Variants in VPS35 observed in about 807,000 individuals in gnomAD.
VPS35 encodes the protein vacuolar protein sorting-associated protein 35.
In VPS35, 21 loss-of-function variants were observed where a neutral mutation model predicts 98.1. The observed-to-expected ratio is 0.21, with a 90% CI of 0.15 to 0.31. The LOEUF is 0.31. VPS35 is among the 10% of genes least tolerant of loss of function. VPS35 has a pLI of 1.00. For missense variants in VPS35, 554 were observed against 950.8 expected (o/e 0.58, Z 5.49); for synonymous variants, 268 against 318.2 (o/e 0.84, Z 1.68).
At chr16:46,681,301 A>G (rs1966231553) in intron 4 of VPS35, 76 bp downstream of exon 4, 1 of 1,594,258 alleles carries the variant, frequency 6.3e-7, no homozygotes. Flanking sequence ...ACTTTTTCTT[A>G]AGCTGATAAT....
chr16:46,678,894 AT>A (rs757350251), intron 6 of VPS35, 48 bp downstream of exon 6: 62 of 1,577,558 alleles, frequency 3.9e-5, no homozygotes, highest in Non-Finnish European at 5.0e-5. Flanking sequence ...TAAAAATCAG[AT>A]TTCAGTTTAT....
intron 5 of VPS35, 38 bp downstream of exon 5, chr16:46,680,633 G>A: frequency 6.2e-7 from 1 of 1,602,274 alleles, no homozygotes; most frequent in East Asian, 2.2e-5. Context: ...TACAATGAAA[G>A]AAATATTGCA....
At chr16:46,688,247 A>T (rs1966355171) in intron 1 of VPS35, 3 of 941,798 alleles carry the variant, frequency 3.2e-6, no homozygotes, top group Non-Finnish European at 3.8e-6. Context: ...TACAGTATAT[A>T]CTCAAAAAAT....
chr16:46,688,210 G>A, intron 1 of VPS35: 2 of 644,828 alleles, frequency 3.1e-6, no homozygotes, highest in Non-Finnish European at 3.9e-6. Flanking sequence ...TATCTACACA[G>A]AGTGAGTAAG....
chr16:46,674,171 C>A, intron 10 of VPS35, 143 bp downstream of exon 10: 1 of 895,068 alleles, frequency 1.1e-6, no homozygotes, highest in South Asian at 1.6e-5. Context: ...CTACTTTCTG[C>A]CCCTAGTAGT....
At chr16:46,679,203 TTAC>T in intron 5 of VPS35, 47 bp from the exon 6 acceptor site, 1 of 1,476,352 alleles carries the variant, frequency 6.8e-7, no homozygotes, top group Non-Finnish European at 9.3e-7. Context: ...CAGGACCAAC[TTAC>T]TACTATCCTT....
chr16:46,681,176 C>A (rs1453803811), intron 4 of VPS35, among the ~76,000 whole-genome samples: 2 of 151,876 alleles, frequency 1.3e-5, no homozygotes, highest in Non-Finnish European at 2.9e-5. Flanking sequence ...TCCATTTTTT[C>A]TATTTCCAAA....
rs1377610611 is a variant in VPS35 at position 46,664,780 on chromosome 16, C to T, written c.1648-1618G>A. Among the ~76,000 whole-genome samples the T allele has an allele frequency of 2.0e-5, 3 of 152,146 alleles. 1 individual carries two copies. The highest frequency in any genetic ancestry group is 2.0e-4 in the Admixed American group (3 of 15,270). On this transcript the variant is annotated intron_variant, in intron 13 of 16. Coordinates refer to ENST00000299138, the MANE Select transcript of VPS35 (RefSeq NM_018206.6). ...AGGTGATCCGCCTGCCTCAGCCTCC[C>T]AAAGTGCTAGGATTACAGGCGTGAG... is the stretch of plus-strand genomic sequence containing the variant.
At chr16:46,688,410 C>T in intron 1 of VPS35, 30 of 987,110 alleles carry the variant, frequency 3.0e-5, no homozygotes, top group Non-Finnish European at 3.6e-5. Context: ...TAGACGGGCC[C>T]TAAGGAGAAG....
At chr16:46,678,370 T>G (rs1466985107) in intron 6 of VPS35, among the ~76,000 whole-genome samples, 4 of 151,112 alleles carry the variant, frequency 2.6e-5, no homozygotes, top group African/African-American at 9.8e-5. Context: ...TACAAACTTA[T>G]GTTGGGCCAT....
At chr16:46,681,894 T>C in intron 3 of VPS35, 185 bp downstream of exon 3, 3 of 597,570 alleles carry the variant, frequency 5.0e-6, no homozygotes, top group South Asian at 2.0e-5. Context: ...TGTTTAAGCA[T>C]AGGAAAGGAG....
chr16:46,688,554 G>C, intron 1 of VPS35: 1 of 992,842 alleles, frequency 1.0e-6, no homozygotes, highest in Non-Finnish European at 1.2e-6. Flanking sequence ...GACAGCCTGA[G>C]TCCTTCCAGG....
At position 46,661,772 on chromosome 16, in the gene VPS35, A is replaced by G; in HGVS notation, c.2157T>C (p.Leu719=). The G allele has an allele frequency of 3.1e-6, 5 of 1,613,914 alleles. No homozygotes were observed. Among genetic ancestry groups the G allele is most frequent in the Non-Finnish European group, 3.4e-6 (4 of 1,179,774 alleles). Residue 719 remains leucine, a synonymous_variant, in exon 16 of 17, where the codon CTT becomes CTC. Transcript: ENST00000299138. This position sits in a 1 kb window ranked among gnomAD's most constrained non-coding sequence, Gnocchi z 4.3. Reference sequence around the variant, plus strand: ...TATATCTGTTCAGAATTTCTATAAAAAGCTGCACTTGTAGAGAGGGGTCCA... The same window carrying G: ...TATATCTGTTCAGAATTTCTATAAAGAGCTGCACTTGTAGAGAGGGGTCCA... ...QCMDPSLQVQ[L]FIEILNRYIY...
chr16:46,668,193 C>T (rs1966016592), intron 13 of VPS35, among the ~76,000 whole-genome samples: 1 of 152,096 alleles, frequency 6.6e-6, no homozygotes, highest in South Asian at 2.1e-4. Context: ...GCCACAAGTT[C>T]GAGACCAACT....
chr16:46,671,717 G>T lies in VPS35; in HGVS notation c.1512C>A (p.Asp504Glu), dbSNP rs1273131425. 6.2e-7 allele frequency: 1 copy of T among 1,614,158 alleles called. No homozygotes were observed. The highest frequency in any genetic ancestry group is 8.5e-7 in the Non-Finnish European group (1 of 1,180,010). ...GGTAAACTCATACCAAGTACTGCTG[G>T]TCAGGGTCCTCAGAGCGCAGCAGAT... ...FIHLLRSEDP[D>E]QQYLILNTAR... is the part of the protein sequence containing the mutation. Residue 504 changes from aspartate to glutamate, a missense_variant, in exon 12 of 17, where the codon GAC becomes GAA. By Grantham distance (45) the Asp-to-Glu change is conservative (BLOSUM62 2). This residue lies in a region of VPS35 where 254 missense variants were observed against 390.1 expected (regional missense o/e 0.65). Transcript: ENST00000299138.
At chr16:46,668,862 C>A (rs1966026782) in intron 13 of VPS35, 68 bp downstream of exon 13, 1 of 1,585,324 alleles carries the variant, frequency 6.3e-7, no homozygotes, top group South Asian at 1.1e-5. Context: ...TAATATAAAA[C>A]AAACACACAC....
At chr16:46,682,753 T>C (rs1367158830) in intron 2 of VPS35, 1 of 154,320 alleles carries the variant, frequency 6.5e-6, no homozygotes, top group Non-Finnish European at 1.4e-5. Flanking sequence ...AAGACATTTA[T>C]TTTTCATTCC....
At chr16:46,675,880 C>G (rs1201026361) in intron 8 of VPS35, among the ~76,000 whole-genome samples, 1 of 151,872 alleles carries the variant, frequency 6.6e-6, no homozygotes, top group Admixed American at 6.6e-5. Flanking sequence ...GCCTAGCCAA[C>G]CTGGCAAAAC....
chr16:46,679,548 G>A (rs1175817098), intron 5 of VPS35, among the ~76,000 whole-genome samples: 2 of 152,134 alleles, frequency 1.3e-5, no homozygotes, highest in African/African-American at 4.8e-5. Flanking sequence ...GCAACATAAT[G>A]AGACCCCATC....
Sources: allele counts gnomAD v4.1 joint callset (sites outside exome capture counted in the v4.1 genomes callset), GRCh38; gene constraint gnomAD v4.1.1; regional missense constraint gnomAD v4.1.1; non-coding constraint Gnocchi (gnomAD v3.1); transcripts MANE v1.5; gene names NCBI Gene and HGNC (gene_info 2026-07-23, HGNC 2026-07-21).